GFRA1: variants seen among roughly 807,000 people sequenced by gnomAD.
The protein encoded by GFRA1 is GDNF family receptor alpha 1.
A neutral mutation model predicts 51.6 loss-of-function variants in GFRA1; 16 were observed. That is an observed-to-expected ratio of 0.31 (90% confidence interval 0.21 to 0.47). GFRA1 has a LOEUF of 0.47. Ranked by LOEUF, GFRA1 falls within the 20% of genes least tolerant of loss-of-function variation. The pLI, the probability that GFRA1 is intolerant of heterozygous loss-of-function variation, is 1.00. For missense variants in GFRA1, 530 were observed against 594.3 expected, an observed-to-expected ratio of 0.89 and a Z score of 1.13; for synonymous variants, 270 against 241.3, an observed-to-expected ratio of 1.12 and a Z score of -1.10.
chr10:116,270,738 G>T, intron 3 of GFRA1, 84 bp downstream of exon 3: 1 of 1,113,086 alleles, frequency 9.0e-7, no homozygotes, highest in South Asian at 1.4e-5. Flanking sequence ...GTGAGTGGAG[G>T]ATGAGATCAG....
intron 4 of GFRA1, among the ~76,000 whole-genome samples, chr10:116,268,835 C>T (rs1293208353): frequency 6.6e-6 from 1 of 152,186 alleles, no homozygotes; most frequent in Admixed American, 6.5e-5. Context: ...TTACAAAAAA[C>T]TTAATTCCAA....
chr10:116,133,477 C>G (rs1958191232), intron 5 of GFRA1, among the ~76,000 whole-genome samples: 1 of 152,136 alleles, frequency 6.6e-6, no homozygotes, highest in Non-Finnish European at 1.5e-5. Context: ...TGAGGAGCAT[C>G]TGGGTTTTAA....
intron 6 of GFRA1, among the ~76,000 whole-genome samples, chr10:116,108,205 A>G (rs190654494): frequency 1.3e-5 from 2 of 152,352 alleles, no homozygotes; most frequent in Non-Finnish European, 2.9e-5. Context: ...TATATTCAAT[A>G]GTAAATATAC....
rs749335259 is a variant in GFRA1, at chr10:116,065,601, G to A, written c.1223C>T (p.Ser408Leu). ...GGAAATACAGAGGTGTGTATTGCCC[G>A]ACACATTGGATTTCAGCTTCTGTGC... ...LQAQKLKSNV[S>L]GNTHLCISNG... is the part of the protein sequence containing the mutation. The change falls in exon 10 of 11, where the codon TCG (serine) becomes TTG (leucine). Residue 408 changes from serine to leucine, a missense_variant. By Grantham distance (145) the Ser-to-Leu change is moderately radical. Transcript: ENST00000355422. 10 of 1,613,332 alleles carry A rather than the reference G, an allele frequency of 6.2e-6. No homozygotes were observed. The highest frequency in any genetic ancestry group is 1.7e-4 in the Middle Eastern group (1 of 6,058).
chr10:116,122,612 G>A (rs1291550174), intron 6 of GFRA1, among the ~76,000 whole-genome samples: 1 of 152,112 alleles, frequency 6.6e-6, no homozygotes, highest in Non-Finnish European at 1.5e-5. Context: ...ACCCTCAAAG[G>A]ATACTCTCTT....
intron 5 of GFRA1, among the ~76,000 whole-genome samples, chr10:116,160,382 A>T (rs1959628737): frequency 6.6e-6 from 1 of 152,258 alleles, no homozygotes; most frequent in Non-Finnish European, 1.5e-5. Context: ...GCACTTTCCC[A>T]TAATAGTTAT....
intron 4 of GFRA1, among the ~76,000 whole-genome samples, chr10:116,237,389 G>A (rs918873739): frequency 1.3e-5 from 2 of 152,100 alleles, no homozygotes; most frequent in Non-Finnish European, 2.9e-5. Context: ...GGCTCAGAGA[G>A]GTTAAGTGTC....
At chr10:116,206,877 C>G (rs1272723982) in intron 5 of GFRA1, among the ~76,000 whole-genome samples, 1 of 151,982 alleles carries the variant, frequency 6.6e-6, no homozygotes, top group African/African-American at 2.4e-5. Flanking sequence ...CGTGATCCAC[C>G]CGCCTCGGCC....
chr10:116,265,795 C>T (rs1383335220), intron 4 of GFRA1, among the ~76,000 whole-genome samples: 1 of 152,106 alleles, frequency 6.6e-6, no homozygotes, highest in Non-Finnish European at 1.5e-5. Flanking sequence ...CTTGCACCGG[C>T]GCACTTTCTC....
intron 6 of GFRA1, among the ~76,000 whole-genome samples, chr10:116,105,130 A>C (rs1956958824): frequency 6.6e-6 from 1 of 152,238 alleles, no homozygotes; most frequent in African/African-American, 2.4e-5. Context: ...TGAAGAAGAA[A>C]AGAAATGGAA....
rs536734910 is a variant in GFRA1 at position 116,146,612 on chromosome 10, A to C, written c.434-21055T>G. Among the ~76,000 whole-genome samples, 3 of 152,222 alleles carry C rather than the reference A, an allele frequency of 2.0e-5. No homozygotes were observed. In the South Asian group the frequency reaches 6.2e-4, roughly 32 times the overall value. ...GGAGTATTCCTGGAAGCCATCCACC[A>C]CTCCACAGGGACATCTAGCAATAAC... On this transcript the variant is annotated intron_variant, in intron 5 of 10. Coordinates refer to ENST00000355422, the MANE Select transcript of GFRA1 (RefSeq NM_005264.8).
chr10:116,267,216 G>C (rs561054816), intron 4 of GFRA1, among the ~76,000 whole-genome samples: 224 of 152,254 alleles, frequency 1.5e-3, no homozygotes, highest in Non-Finnish European at 2.3e-3. Flanking sequence ...TGTAATCCCA[G>C]CAGTTTGGGA....
intron 5 of GFRA1, among the ~76,000 whole-genome samples, chr10:116,128,725 CAAAAAA>C (rs67642059): frequency 0.26 from 22,617 of 87,220 alleles, 1,652 homozygotes; most frequent in Middle Eastern, 0.32. Context: ...GACTCTGTCT[CAAAAAA>C]AAAAAAAAAA....
Position 116,066,654 on chromosome 10 carries a change from T to C in GFRA1, c.1198-1028A>G, listed in dbSNP as rs547110599. On this transcript the variant is annotated intron_variant, in intron 9 of 10. Transcript: ENST00000355422. ...CAACAATTTACTTACAGAGTCAGGA[T>C]GCAGACCCAGTCTCTTCAATTCCTA... 1.4e-4 allele frequency among the ~76,000 whole-genome samples: 22 copies of C among 152,338 alleles called. No individual in the cohort carries two copies. The South Asian group carries it at 4.6e-3, about 32-fold the overall frequency.
At chr10:116,105,871 G>C (rs1285675812) in intron 6 of GFRA1, among the ~76,000 whole-genome samples, 2 of 152,174 alleles carry the variant, frequency 1.3e-5, no homozygotes, top group Admixed American at 6.5e-5. Flanking sequence ...GGCTCTCAAA[G>C]GCATCTGGAC....
chr10:116,114,572 A>T (rs1439124912), intron 6 of GFRA1, among the ~76,000 whole-genome samples: 1 of 151,928 alleles, frequency 6.6e-6, no homozygotes, highest in East Asian at 1.9e-4. Flanking sequence ...TTTATTTTTA[A>T]TTTTTTTAGA....
At position 116,061,851 on chromosome 10, in the gene GFRA1, G is replaced by C; in HGVS notation, c.*2547C>G. The C allele has an allele frequency of 2.5e-6, 1 of 397,162 alleles. No individual in the cohort carries two copies. The allele number at this position is 397,162 out of a possible 1,614,324, so 24.6% of individuals were successfully genotyped here. Reference sequence around the variant, plus strand: ...AATGATGGTGTTTTAGGGTCACCGTGTCAAACTAAGATCACACTGAATGGC... The same window carrying C: ...AATGATGGTGTTTTAGGGTCACCGTCTCAAACTAAGATCACACTGAATGGC... On this transcript the variant is annotated 3_prime_UTR_variant, in exon 11 of 11. Coordinates refer to ENST00000355422, the MANE Select transcript of GFRA1 (RefSeq NM_005264.8).
chr10:116,135,497 C>A (rs1958285300), intron 5 of GFRA1, among the ~76,000 whole-genome samples: 1 of 152,102 alleles, frequency 6.6e-6, no homozygotes, highest in Admixed American at 6.5e-5. Flanking sequence ...GAGCATAATG[C>A]CTTTCTGTGT....
intron 5 of GFRA1, among the ~76,000 whole-genome samples, chr10:116,170,186 C>G (rs936559818): frequency 2.0e-5 from 3 of 152,202 alleles, no homozygotes; most frequent in Admixed American, 2.0e-4. Context: ...AAGAGACTCA[C>G]CACCATGGTT....
Sources: allele counts gnomAD v4.1 joint callset (sites outside exome capture counted in the v4.1 genomes callset), GRCh38; gene constraint gnomAD v4.1.1; transcripts MANE v1.5; gene names NCBI Gene and HGNC (gene_info 2026-07-23, HGNC 2026-07-21).